The following PDZD8 variants were observed in gnomAD, a reference collection of about 807,000 sequenced individuals.
PDZD8 encodes the protein PDZ domain-containing protein 8.
In PDZD8, 14 loss-of-function variants were observed where a neutral mutation model predicts 85.8. That is an observed-to-expected ratio of 0.16 (90% confidence interval 0.11 to 0.26). The LOEUF (loss-of-function observed/expected upper bound fraction) is 0.26, where lower values mean the gene tolerates loss of function less well. PDZD8 is among the 10% of genes least tolerant of loss of function. The probability of loss-of-function intolerance (pLI) is 1.00; values close to 1 mark genes in which losing one functional copy is unlikely to be tolerated. For synonymous variants in PDZD8, 592 were observed against 568.6 expected, an observed-to-expected ratio of 1.04 and a Z score of -0.59; for missense variants, 1,197 against 1,424.3, an observed-to-expected ratio of 0.84 and a Z score of 2.57.
chr10:117,349,808 T>TA (rs1192530889), intron 1 of PDZD8, among the ~76,000 whole-genome samples: 1 of 150,212 alleles, frequency 6.7e-6, no homozygotes, highest in Non-Finnish European at 1.5e-5. Flanking sequence ...CTCTCAAAAA[T>TA]AAAAAAATAA....
chr10:117,347,257 G>A (rs1844725197), intron 1 of PDZD8, among the ~76,000 whole-genome samples: 1 of 152,138 alleles, frequency 6.6e-6, no homozygotes, highest in South Asian at 2.1e-4. Context: ...TATTCTCTCT[G>A]AAGCCTACTA....
At chr10:117,289,963 T>C (rs1264594234) in intron 4 of PDZD8, among the ~76,000 whole-genome samples, 1 of 152,194 alleles carries the variant, frequency 6.6e-6, no homozygotes, top group African/African-American at 2.4e-5. Context: ...ACAAAGTATT[T>C]TAAAGATTTA....
At chr10:117,361,706 A>G (rs1463241291) in intron 1 of PDZD8, among the ~76,000 whole-genome samples, 6 of 152,194 alleles carry the variant, frequency 3.9e-5, no homozygotes. Context: ...AAGTTAACAT[A>G]GCCCTCCACG....
At chr10:117,359,578 G>A (rs1589592295) in intron 1 of PDZD8, among the ~76,000 whole-genome samples, 2 of 152,174 alleles carry the variant, frequency 1.3e-5, no homozygotes, top group South Asian at 4.2e-4. Flanking sequence ...GGGCATGGTG[G>A]TGCGCGCCTA....
At chr10:117,312,865 T>C (rs1844062247) in intron 3 of PDZD8, among the ~76,000 whole-genome samples, 1 of 152,204 alleles carries the variant, frequency 6.6e-6, no homozygotes, top group Admixed American at 6.5e-5. Flanking sequence ...CCTTGTATTA[T>C]AGCAACCATA....
chr10:117,294,994 A>G (rs1843731331), intron 3 of PDZD8, among the ~76,000 whole-genome samples: 1 of 152,158 alleles, frequency 6.6e-6, no homozygotes, highest in Non-Finnish European at 1.5e-5. Flanking sequence ...GGAAGAGATT[A>G]TTTTTAATAT....
intron 2 of PDZD8, among the ~76,000 whole-genome samples, chr10:117,323,117 C>T (rs1001045318): frequency 1.3e-5 from 2 of 152,008 alleles, no homozygotes; most frequent in African/African-American, 4.8e-5. Context: ...TTACAATGGC[C>T]ATATGAAGAC....
At position 117,284,122 on chromosome 10, in the gene PDZD8, A is replaced by G. The variant is rs759119046; in HGVS notation, c.2611T>C (p.Phe871Leu). The G allele has an allele frequency of 2.5e-6, 4 of 1,614,044 alleles. No individual in the cohort carries two copies. The highest frequency in any genetic ancestry group is 3.4e-6 in the Non-Finnish European group (4 of 1,180,042). The stretch of plus-strand genomic sequence containing the variant: ...TTTTTATGGCAAACATAAGCACAAA[A>G]CATACACTGGGAAGCTGCTTTAGTC... ...VWTKAASQCMFCAYVCHKKCQ... is the reference protein window; with the variant it reads ...VWTKAASQCMLCAYVCHKKCQ... The change falls in exon 5 of 5, where the codon TTT becomes CTT. Residue 871 changes from phenylalanine (F) to leucine (L), a missense_variant. Physicochemically the swap from Phe to Leu is conservative, Grantham distance 22. Transcript: ENST00000334464.
At chr10:117,290,779 G>C (rs1038461387) in intron 3 of PDZD8, among the ~76,000 whole-genome samples, 1 of 150,438 alleles carries the variant, frequency 6.6e-6, no homozygotes, top group Non-Finnish European at 1.5e-5. Flanking sequence ...ATATAATTCT[G>C]AATCTTGCTT....
intron 1 of PDZD8, among the ~76,000 whole-genome samples, chr10:117,372,814 G>A (rs778445326): frequency 1.3e-4 from 20 of 152,130 alleles, no homozygotes; most frequent in Non-Finnish European, 2.6e-4. Context: ...GTCACTCTGC[G>A]CTGTTAGCCT....
chr10:117,355,873 A>AT (rs1844884962), intron 1 of PDZD8, among the ~76,000 whole-genome samples: 2 of 151,980 alleles, frequency 1.3e-5, no homozygotes, highest in African/African-American at 2.4e-5. Context: ...CAATACTTAC[A>AT]TTTTTCTGAA....
At chr10:117,319,698 G>A (rs1287207664) in intron 2 of PDZD8, among the ~76,000 whole-genome samples, 1 of 151,946 alleles carries the variant, frequency 6.6e-6, no homozygotes, top group African/African-American at 2.4e-5. Flanking sequence ...ATCTAAAAAA[G>A]ACATATGAGG....
chr10:117,336,509 C>A (rs1176269127), intron 2 of PDZD8, among the ~76,000 whole-genome samples: 3 of 152,032 alleles, frequency 2.0e-5, no homozygotes, highest in African/African-American at 4.8e-5. Context: ...GTGGAACATG[C>A]CTGTAGTCTC....
intron 1 of PDZD8, among the ~76,000 whole-genome samples, chr10:117,342,111 T>A (rs1362802722): frequency 6.6e-6 from 1 of 152,204 alleles, no homozygotes; most frequent in African/African-American, 2.4e-5. Context: ...TCCAACTATA[T>A]AACACCTCAG....
intron 3 of PDZD8, among the ~76,000 whole-genome samples, chr10:117,291,866 A>AC (rs1332760497): frequency 3.3e-5 from 5 of 151,002 alleles, no homozygotes; most frequent in Non-Finnish European, 7.4e-5. Flanking sequence ...TTAAAAAAAA[A>AC]AAACAGGCAG....
chr10:117,284,870 C>T lies in PDZD8; in HGVS notation c.1863G>A (p.Lys621=). Residue 621 remains lysine (K), a synonymous_variant, in exon 5 of 5, where the codon AAG becomes AAA. Transcript: ENST00000334464. ...TATCTACAAGAGGAGGTGGCACCAC[C>T]TTCTCTGGCTTTTCAACGAGAACAT... The part of the protein sequence containing the change: ...EPDVLVEKPE[K]VVPPPLVDKS... 1.9e-6 allele frequency: 3 copies of T among 1,614,168 alleles called. No homozygotes were observed. The South Asian group carries it at 3.3e-5, about 18-fold the overall frequency.
chr10:117,333,143 A>AAAAAAG (rs1844458934), intron 2 of PDZD8, among the ~76,000 whole-genome samples: 1 of 148,886 alleles, frequency 6.7e-6, no homozygotes, highest in African/African-American at 2.5e-5. Context: ...AAAAAAAAAA[A>AAAAAAG]GGGGATATGG....
At chr10:117,345,591 T>C (rs1415386591) in intron 1 of PDZD8, among the ~76,000 whole-genome samples, 1 of 152,006 alleles carries the variant, frequency 6.6e-6, no homozygotes, top group Non-Finnish European at 1.5e-5. Context: ...TATCTAAGGT[T>C]GCTACAATAT....
Position 117,283,280 on chromosome 10 carries a change from G to T in PDZD8, c.3453C>A (p.Ser1151=), listed in dbSNP as rs542778366. 6 of 1,611,280 alleles carry T rather than the reference G, an allele frequency of 3.7e-6. No individual in the cohort carries two copies. In the African/African-American group the frequency reaches 8.0e-5, roughly 22 times the overall value. The part of the protein sequence containing the change: ...SSISDDLFGP[S]ESV ...ATAGACCTGTCTGCTACACAGACTC[G>T]GATGGGCCAAATAAGTCATCTGATA... Residue 1151 remains serine, a synonymous_variant, in exon 5 of 5, where the codon TCC becomes TCA. Transcript: ENST00000334464.
Sources: allele counts gnomAD v4.1 joint callset (sites outside exome capture counted in the v4.1 genomes callset), GRCh38; gene constraint gnomAD v4.1.1; transcripts MANE v1.5; gene names NCBI Gene and HGNC (gene_info 2026-07-23, HGNC 2026-07-21).